Variants in AATF observed in about 807,000 individuals in gnomAD.
AATF encodes protein AATF.
A neutral mutation model predicts 63.7 loss-of-function variants in AATF; 48 were observed. The observed-to-expected ratio is 0.75, with a 90% CI of 0.60 to 0.96. The LOEUF (loss-of-function observed/expected upper bound fraction) is 0.96, where lower values mean the gene tolerates loss of function less well. Among genes scored for constraint, AATF ranks in the 40% least tolerant of loss-of-function variants. AATF has a pLI of 0.00. For missense variants in AATF, 639 were observed against 685.7 expected, an observed-to-expected ratio of 0.93 and a Z score of 0.76; for synonymous variants, 258 against 247.7, an observed-to-expected ratio of 1.04 and a Z score of -0.39.
intron 11 of AATF, chr17:37,054,472 C>T (rs2071780675): frequency 6.6e-6 from 1 of 152,190 alleles, no homozygotes; most frequent in African/African-American, 2.4e-5. Flanking sequence ...TTGATATTCT[C>T]TCTCTCTGAA....
At position 36,966,299 on chromosome 17, in the gene AATF, G is replaced by A. The variant is rs2070990773; in HGVS notation, c.832+12392G>A. On this transcript the variant is annotated intron_variant, in intron 4 of 11. Coordinates refer to ENST00000619387, the MANE Select transcript of AATF (RefSeq NM_012138.4). ...TTTTATTGTAAGACAGGGTCTTGCT[G>A]TGTTGCCCAGGCTGGAGTGTAGTGA... 2.0e-5 allele frequency among the ~76,000 whole-genome samples: 3 copies of A among 151,868 alleles called. No homozygotes were observed. In the South Asian group the frequency reaches 6.2e-4, roughly 32 times the overall value.
rs558690371 is a variant in AATF, at chr17:36,982,447, G to A, written c.833-4170G>A. Among the ~76,000 whole-genome samples, 11 of 151,990 alleles carry A rather than the reference G, an allele frequency of 7.2e-5. No individual in the cohort carries two copies. The South Asian group carries it at 1.5e-3, about 20-fold the overall frequency. ...TGGCTCACTGCAACCTCCCCGTCCC[G>A]GGTTCAGGAAATCCTTCCACCTCAG... On this transcript the variant is annotated intron_variant, in intron 4 of 11. Transcript: ENST00000619387.
intron 4 of AATF, among the ~76,000 whole-genome samples, chr17:36,965,699 CT>C (rs2070986064): frequency 6.6e-6 from 1 of 151,718 alleles, no homozygotes; most frequent in Non-Finnish European, 1.5e-5. Flanking sequence ...ATTATTTTTT[CT>C]TGTATTTTTA....
chr17:37,048,916 C>T (rs1393267705), intron 11 of AATF, among the ~76,000 whole-genome samples: 1 of 152,160 alleles, frequency 6.6e-6, no homozygotes, highest in Admixed American at 6.5e-5. Flanking sequence ...AGGAGGGTGC[C>T]ATTTAGTCCC....
intron 4 of AATF, among the ~76,000 whole-genome samples, chr17:36,986,139 G>A (rs1023542472): frequency 1.3e-5 from 2 of 152,198 alleles, no homozygotes; most frequent in East Asian, 1.9e-4. Context: ...GGTGGAAGGT[G>A]TTGGTGGTGG....
intron 11 of AATF, chr17:37,034,794 C>G (rs1423413946): frequency 1.3e-5 from 2 of 151,908 alleles, no homozygotes; most frequent in Admixed American, 1.3e-4. Flanking sequence ...ATCCCAATAA[C>G]AATAATGGAC....
chr17:37,032,115 A>G (rs2071556383), intron 11 of AATF, among the ~76,000 whole-genome samples: 1 of 152,212 alleles, frequency 6.6e-6, no homozygotes, highest in Non-Finnish European at 1.5e-5. Flanking sequence ...TGCTTATTTT[A>G]TAAAGCTGAA....
chr17:36,954,758 GC>G (rs756690684), intron 4 of AATF, among the ~76,000 whole-genome samples: 14 of 152,148 alleles, frequency 9.2e-5, no homozygotes, highest in Non-Finnish European at 1.8e-4. Flanking sequence ...TTTGTGTATG[GC>G]GGAGATGAGG....
chr17:37,039,462 T>C (rs2071619206), intron 11 of AATF, among the ~76,000 whole-genome samples: 2 of 152,202 alleles, frequency 1.3e-5, no homozygotes, highest in South Asian at 4.1e-4. Context: ...CTCTTCCTTA[T>C]CAGATTACAG....
At chr17:37,002,094 C>G (rs1037897869) in intron 8 of AATF, among the ~76,000 whole-genome samples, 1 of 150,888 alleles carries the variant, frequency 6.6e-6, no homozygotes, top group Non-Finnish European at 1.5e-5. Context: ...CCCAGCCACT[C>G]GCAAGGCTGA....
At chr17:36,998,933 G>A (rs911660778) in intron 8 of AATF, 1 of 152,296 alleles carries the variant, frequency 6.6e-6, no homozygotes, top group South Asian at 2.1e-4. Context: ...TGTACATGTG[G>A]TTCTCTAGGG....
At chr17:37,028,954 T>A (rs1010297501) in intron 10 of AATF, among the ~76,000 whole-genome samples, 2 of 151,402 alleles carry the variant, frequency 1.3e-5, no homozygotes, top group Non-Finnish European at 3.0e-5. Flanking sequence ...ATTGTGTGAA[T>A]ATATATATAT....
chr17:37,025,524 C>G, intron 10 of AATF, among the ~76,000 whole-genome samples: 1 of 152,072 alleles, frequency 6.6e-6, no homozygotes, highest in East Asian at 1.9e-4. Context: ...GTTACGACAG[C>G]GATGAATACA....
intron 3 of AATF, 125 bp from the exon 4 acceptor site, chr17:36,953,645 G>C: frequency 1.1e-6 from 1 of 884,318 alleles, no homozygotes; most frequent in South Asian, 1.7e-5. Context: ...TGTTTCCATG[G>C]CATTAAACTG....
chr17:36,981,061 A>G (rs773054907), intron 4 of AATF, among the ~76,000 whole-genome samples: 4 of 152,130 alleles, frequency 2.6e-5, no homozygotes, highest in Admixed American at 1.3e-4. Context: ...ATGAGAACAT[A>G]TGAGAGAGTA....
In AATF at chr17:36,986,489, G is replaced by A. The variant is rs2071169718; in HGVS notation, c.833-128G>A. On this transcript the variant is annotated intron_variant, in intron 4 of 11. Transcript: ENST00000619387. ...ATATTTCAGAGAGTATTTAGTTCCT[G>A]TGTGTATCCTGTGCCTCCCCTTCAC... 5.8e-6 allele frequency: 4 copies of A among 694,340 alleles called. No homozygotes were observed. In the South Asian group the frequency reaches 6.8e-5, roughly 12 times the overall value. The allele number at this position is 694,340 out of a possible 1,614,324, so 43.0% of individuals were successfully genotyped here.
chr17:36,961,199 A>G (rs1329396972), intron 4 of AATF, among the ~76,000 whole-genome samples: 2 of 152,186 alleles, frequency 1.3e-5, no homozygotes, highest in African/African-American at 4.8e-5. Context: ...ATTTACTGCA[A>G]TTTAGTTAAC....
intron 10 of AATF, among the ~76,000 whole-genome samples, chr17:37,024,094 T>A (rs1195745551): frequency 1.3e-5 from 2 of 152,184 alleles, no homozygotes; most frequent in African/African-American, 2.4e-5. Context: ...TTTTGATCCA[T>A]GGTTGATTAA....
chr17:37,011,247 C>T (rs991060749), intron 8 of AATF, among the ~76,000 whole-genome samples: 6 of 152,164 alleles, frequency 3.9e-5, no homozygotes, highest in Middle Eastern at 3.4e-3. Flanking sequence ...TGGTGGTGCA[C>T]GCCTGTAATC....
Sources: allele counts gnomAD v4.1 joint callset (sites outside exome capture counted in the v4.1 genomes callset), GRCh38; gene constraint gnomAD v4.1.1; transcripts MANE v1.5; gene names NCBI Gene and HGNC (gene_info 2026-07-23, HGNC 2026-07-21).